Variants in SORL1 observed in about 807,000 individuals in gnomAD.
SORL1 encodes the protein sortilin-related receptor.
In SORL1, 127 loss-of-function variants were observed where a neutral mutation model predicts 273.7. The ratio of observed to expected loss-of-function variants is 0.46; its 90% CI spans 0.40 to 0.54. SORL1 has a LOEUF of 0.54. Among genes scored for constraint, SORL1 ranks in the 20% least tolerant of loss-of-function variants. The pLI, the probability that SORL1 is intolerant of heterozygous loss-of-function variation, is 0.00. For synonymous variants in SORL1, 1,031 were observed against 1,067.4 expected (o/e 0.97, Z 0.66); for missense variants, 2,494 against 2,846.1 (o/e 0.88, Z 2.81).
Position 121,555,438 on chromosome 11 carries a change from G to C in SORL1, c.2571+120G>C, listed in dbSNP as rs544683121. On this transcript the variant is annotated intron_variant, in intron 18 of 47. Transcript: ENST00000260197. The stretch of plus-strand genomic sequence containing the variant: ...AGATTACTCAGGAAATTTACTGCGA[G>C]TTTCCAGAGAATGGACCAGCTGAGC... 9 of 1,293,798 alleles carry C rather than the reference G, an allele frequency of 7.0e-6. No homozygotes were observed. The African/African-American group carries it at 1.3e-4, about 19-fold the overall frequency. 80.1% of individuals were successfully genotyped at this position (1,293,798 alleles called of 1,614,324 possible). A position where few individuals can be genotyped will look rare whatever the true frequency, so the allele number is the denominator to read the frequency against.
At chr11:121,560,941 C>A (rs1040434331) in intron 21 of SORL1, among the ~76,000 whole-genome samples, 1 of 152,200 alleles carries the variant, frequency 6.6e-6, no homozygotes, top group East Asian at 1.9e-4. Context: ...AAGTCACATT[C>A]TTTCTTAGAG....
At chr11:121,624,193 G>A (rs915789161) in intron 45 of SORL1, among the ~76,000 whole-genome samples, 9 of 152,300 alleles carry the variant, frequency 5.9e-5, no homozygotes, top group South Asian at 2.1e-4. Flanking sequence ...GATTTGGGTG[G>A]GGACACAGCC....
intron 6 of SORL1, among the ~76,000 whole-genome samples, chr11:121,507,063 T>C (rs1029581051): frequency 6.6e-6 from 1 of 152,230 alleles, no homozygotes; most frequent in Admixed American, 6.5e-5. Flanking sequence ...TTCAGTAGTG[T>C]ACAAAATCTT....
At chr11:121,567,206 C>A (rs1862767765) in intron 22 of SORL1, 93 bp downstream of exon 22, 2 of 1,098,534 alleles carry the variant, frequency 1.8e-6, no homozygotes, top group Admixed American at 4.8e-5. Flanking sequence ...GTTTCCTAAC[C>A]TTTTCGTGTT....
In SORL1 at chr11:121,563,056, G is replaced by A. The variant is rs753154431; in HGVS notation, c.3049+3399G>A. Among the ~76,000 whole-genome samples, 5 of 152,132 alleles carry A rather than the reference G, an allele frequency of 3.3e-5. No homozygotes were observed. Among genetic ancestry groups the A allele is most frequent in the East Asian group, 1.9e-4 (1 of 5,204 alleles). On this transcript the variant is annotated intron_variant, in intron 21 of 47. Coordinates refer to ENST00000260197, the MANE Select transcript of SORL1 (RefSeq NM_003105.6). The surrounding 1 kb of genome is among the most constrained non-coding windows in gnomAD (Gnocchi z 4.2). ...TTGTGGGCTTGTATAACCTCACTTC[G>A]TCTTCCCAAAGACTTCTATATGTAC...
chr11:121,582,429 C>T (rs1863026340), intron 25 of SORL1, among the ~76,000 whole-genome samples: 1 of 152,236 alleles, frequency 6.6e-6, no homozygotes, highest in South Asian at 2.1e-4. Flanking sequence ...TTATCTTATG[C>T]TGGTTGTAAA....
intron 7 of SORL1, 87 bp downstream of exon 7, chr11:121,513,191 G>A: frequency 1.0e-6 from 1 of 976,082 alleles, no homozygotes; most frequent in Admixed American, 1.7e-5. Context: ...ATGGCCTGCT[G>A]GAGTGGATAT....
At chr11:121,500,579 A>G (rs559983719) in intron 6 of SORL1, among the ~76,000 whole-genome samples, 1 of 152,320 alleles carries the variant, frequency 6.6e-6, no homozygotes, top group African/African-American at 2.4e-5. Context: ...ACCTATACAG[A>G]GGCAATATGG....
rs543472132 is a variant in SORL1, at chr11:121,478,222, C to T, written c.507C>T (p.His169=). 8.1e-6 allele frequency: 13 copies of T among 1,614,020 alleles called. No homozygotes were observed. Among genetic ancestry groups the T allele is most frequent in the Non-Finnish European group, 1.1e-5 (13 of 1,180,030 alleles). ...AAGCTGTTATCGCCCAGTTCTACCA[C>T]AGCCCTGCGGACAACAAGCGGGTAA... ...RSEAVIAQFY[H]SPADNKRYIF... The change falls in exon 3 of 48, where the codon CAC becomes CAT. Residue 169 remains histidine (H), a synonymous_variant. Transcript: ENST00000260197.
At chr11:121,624,864 G>C (rs1863771583) in intron 45 of SORL1, among the ~76,000 whole-genome samples, 1 of 152,122 alleles carries the variant, frequency 6.6e-6, no homozygotes, top group African/African-American at 2.4e-5. Context: ...TTGTTGTGGG[G>C]GGGTGGTGTG....
chr11:121,490,159 C>T, intron 5 of SORL1, 49 bp downstream of exon 5: 1 of 1,297,778 alleles, frequency 7.7e-7, no homozygotes, highest in South Asian at 1.2e-5. Flanking sequence ...CTCCTTTCTC[C>T]AGTTCTAGCT....
intron 21 of SORL1, among the ~76,000 whole-genome samples, chr11:121,565,510 G>A (rs1862742559): frequency 6.6e-6 from 1 of 152,214 alleles, no homozygotes; most frequent in Non-Finnish European, 1.5e-5. Context: ...TGGCTTAGAT[G>A]AATGCTTGGC....
chr11:121,628,673 T>C (rs192728051), intron 47 of SORL1, among the ~76,000 whole-genome samples: 1 of 152,322 alleles, frequency 6.6e-6, no homozygotes, highest in East Asian at 1.9e-4. Flanking sequence ...TAAATGCTAA[T>C]AGAGATAGTA....
In SORL1 at chr11:121,581,149, G is replaced by C. The variant is rs554709056; in HGVS notation, c.3581-2309G>C. Among the ~76,000 whole-genome samples, 14 of 152,184 alleles carry C rather than the reference G, an allele frequency of 9.2e-5. No homozygotes were observed. The South Asian group carries it at 2.7e-3, about 29-fold the overall frequency. On this transcript the variant is annotated intron_variant, in intron 25 of 47. Coordinates refer to ENST00000260197, the MANE Select transcript of SORL1 (RefSeq NM_003105.6). ...CTTGTCTCTAACTCCTGATCTCAAA[G>C]TGATCCACCCTCCTCGGCCTCCCAA...
At chr11:121,612,442 A>G in intron 39 of SORL1, 1 of 250,374 alleles carries the variant, frequency 4.0e-6, no homozygotes, top group Non-Finnish European at 7.9e-6. Context: ...TCCTCTTTCT[A>G]CCTTTATTAA....
At chr11:121,574,721 G>A (rs949572209) in intron 24 of SORL1, among the ~76,000 whole-genome samples, 2 of 152,206 alleles carry the variant, frequency 1.3e-5, no homozygotes, top group South Asian at 2.1e-4. Flanking sequence ...CCTGGACTCA[G>A]CTCCTGTCAC....
At chr11:121,511,095 C>A (rs946673609) in intron 6 of SORL1, among the ~76,000 whole-genome samples, 1 of 151,946 alleles carries the variant, frequency 6.6e-6, no homozygotes, top group Non-Finnish European at 1.5e-5. Flanking sequence ...TACAGTAACT[C>A]TTTAAAAATC....
chr11:121,476,226 A>T (rs1055048511), intron 2 of SORL1, among the ~76,000 whole-genome samples: 4 of 152,224 alleles, frequency 2.6e-5, no homozygotes, highest in Admixed American at 2.6e-4. Flanking sequence ...TGGCCGGCAG[A>T]ATAGAAGTGA....
intron 6 of SORL1, among the ~76,000 whole-genome samples, chr11:121,510,901 AC>A (rs1861868052): frequency 6.6e-6 from 1 of 152,008 alleles, no homozygotes; most frequent in East Asian, 1.9e-4. Flanking sequence ...TTTACCTTAT[AC>A]CCATCTGTGC....
Sources: allele counts gnomAD v4.1 joint callset (sites outside exome capture counted in the v4.1 genomes callset), GRCh38; gene constraint gnomAD v4.1.1; non-coding constraint Gnocchi (gnomAD v3.1); transcripts MANE v1.5; gene names NCBI Gene and HGNC (gene_info 2026-07-23, HGNC 2026-07-21).